Variants in EEFSEC observed in about 807,000 individuals in gnomAD.
EEFSEC encodes the protein selenocysteine-specific elongation factor.
In EEFSEC, 43 loss-of-function variants were observed where a neutral mutation model predicts 42.1. That is an observed-to-expected ratio of 1.02 (90% CI 0.80 to 1.32). EEFSEC has a LOEUF of 1.32. EEFSEC is among the 40% of genes most tolerant of loss of function. The pLI is 0.00. For missense variants in EEFSEC, 745 were observed against 803.6 expected (o/e 0.93, Z 0.88); for synonymous variants, 354 against 339.1 (o/e 1.04, Z -0.48).
At chr3:128,369,333 G>A (rs763343485) in intron 6 of EEFSEC, among the ~76,000 whole-genome samples, 5 of 152,222 alleles carry the variant, frequency 3.3e-5, no homozygotes, top group Non-Finnish European at 7.3e-5. Flanking sequence ...TGGGCTGTGA[G>A]GCTGTGTGTT....
At chr3:128,215,531 C>T (rs1477134978) in intron 1 of EEFSEC, among the ~76,000 whole-genome samples, 1 of 152,130 alleles carries the variant, frequency 6.6e-6, no homozygotes, top group Non-Finnish European at 1.5e-5. Flanking sequence ...AGTTCACTGG[C>T]ATGGAACATG....
At chr3:128,301,493 C>T (rs2066768201) in intron 4 of EEFSEC, among the ~76,000 whole-genome samples, 1 of 152,126 alleles carries the variant, frequency 6.6e-6, no homozygotes, top group Admixed American at 6.5e-5. Context: ...TGGTGCAAGT[C>T]ACAGAAAGTC....
chr3:128,273,847 A>G (rs1183838885), intron 4 of EEFSEC, among the ~76,000 whole-genome samples: 1 of 152,156 alleles, frequency 6.6e-6, no homozygotes, highest in Non-Finnish European at 1.5e-5. Flanking sequence ...GTGCTGCCCC[A>G]CTGCTGAGGT....
downstream of EEFSEC, among the ~76,000 whole-genome samples, chr3:128,411,185 G>A (rs1240063436): frequency 2.0e-5 from 3 of 152,242 alleles, no homozygotes; most frequent in Non-Finnish European, 2.9e-5. Flanking sequence ...GCTTCTGGCT[G>A]AGGCCAAGGT....
chr3:128,423,534 A>G, the EEFSEC span, among the ~76,000 whole-genome samples: 9 of 152,228 alleles, frequency 5.9e-5, no homozygotes, highest in Non-Finnish European at 1.3e-4. Flanking sequence ...GCACTGCAGC[A>G]TGGATGGACC....
intron 1 of EEFSEC, among the ~76,000 whole-genome samples, chr3:128,159,129 T>C (rs1310499342): frequency 3.9e-5 from 6 of 152,228 alleles, no homozygotes; most frequent in African/African-American, 1.4e-4. Flanking sequence ...AAAGAGAAGG[T>C]GTTCCCCATT....
chr3:128,355,457 T>A (rs1414058953), intron 5 of EEFSEC, among the ~76,000 whole-genome samples: 1 of 151,946 alleles, frequency 6.6e-6, no homozygotes, highest in African/African-American at 2.4e-5. Context: ...CAGAGGGGCA[T>A]GAGGACCCTG....
chr3:128,318,103 GCCAGGCCGTCAGCCTGC>G (rs1351648323), intron 4 of EEFSEC, among the ~76,000 whole-genome samples: 2 of 152,244 alleles, frequency 1.3e-5, no homozygotes, highest in African/African-American at 4.8e-5. Context: ...AGTGGGGAGA[GCCAGGCCGTCAGCCTGC>G]CCTGGCCCAG....
intron 4 of EEFSEC, among the ~76,000 whole-genome samples, chr3:128,268,124 A>G (rs996651221): frequency 1.3e-5 from 2 of 152,264 alleles, no homozygotes; most frequent in Non-Finnish European, 2.9e-5. Flanking sequence ...TCAGGTATTG[A>G]AACCTCATGG....
intron 1 of EEFSEC, among the ~76,000 whole-genome samples, chr3:128,233,498 C>G (rs994190596): frequency 3.9e-5 from 6 of 152,220 alleles, no homozygotes; most frequent in Non-Finnish European, 7.3e-5. Flanking sequence ...CCAAAGAGCT[C>G]TTTAATCATG....
chr3:128,209,944 C>G (rs931902872), intron 1 of EEFSEC, among the ~76,000 whole-genome samples: 7 of 152,216 alleles, frequency 4.6e-5, no homozygotes, highest in African/African-American at 1.7e-4. Context: ...AAAAATATCT[C>G]CCACTTTGGG....
chr3:128,269,135 A>G (rs956051759), intron 4 of EEFSEC, among the ~76,000 whole-genome samples: 3 of 152,154 alleles, frequency 2.0e-5, no homozygotes, highest in East Asian at 1.9e-4. Flanking sequence ...CCATCCCACA[A>G]GTGAGAGAAC....
At chr3:128,272,900 G>C (rs536589484) in intron 4 of EEFSEC, among the ~76,000 whole-genome samples, 1 of 152,264 alleles carries the variant, frequency 6.6e-6, no homozygotes, top group South Asian at 2.1e-4. Context: ...CCACTGGCTT[G>C]GTGCTTCCCA....
intron 1 of EEFSEC, among the ~76,000 whole-genome samples, chr3:128,209,700 A>G (rs1260023748): frequency 2.6e-5 from 4 of 152,268 alleles, no homozygotes; most frequent in Admixed American, 2.6e-4. Flanking sequence ...ACACAAGTAC[A>G]CATATATACA....
intron 1 of EEFSEC, among the ~76,000 whole-genome samples, chr3:128,225,456 C>T (rs954240864): frequency 6.6e-6 from 1 of 152,216 alleles, no homozygotes; most frequent in Non-Finnish European, 1.5e-5. Flanking sequence ...GCCATGCACT[C>T]GCTGTGTGTT....
chr3:128,239,017 A>G (rs936024691), intron 1 of EEFSEC, among the ~76,000 whole-genome samples: 3 of 152,210 alleles, frequency 2.0e-5, no homozygotes, highest in Admixed American at 6.5e-5. Flanking sequence ...TCTCCTGCTC[A>G]GGGGTCTCCC....
At chr3:128,226,648 A>G (rs1181614687) in intron 1 of EEFSEC, among the ~76,000 whole-genome samples, 4 of 152,086 alleles carry the variant, frequency 2.6e-5, no homozygotes, top group Non-Finnish European at 1.5e-5. Flanking sequence ...GAAACTTCTC[A>G]TTTAACTTTT....
intron 6 of EEFSEC, among the ~76,000 whole-genome samples, chr3:128,386,102 C>G (rs961836938): frequency 6.6e-6 from 1 of 152,180 alleles, no homozygotes. Context: ...GATGAGTTGA[C>G]TAAAGAAATC....
intron 5 of EEFSEC, among the ~76,000 whole-genome samples, chr3:128,350,166 T>C (rs1027470819): frequency 1.3e-5 from 2 of 152,246 alleles, no homozygotes; most frequent in African/African-American, 4.8e-5. Flanking sequence ...GCCTCCTGGC[T>C]CCTGGCTCTG....
Sources: gnomAD v4.1 joint callset for allele counts (sites outside exome capture counted in the v4.1 genomes callset) on GRCh38, gnomAD v4.1.1 for gene constraint, MANE v1.5 for transcripts, NCBI Gene and HGNC (gene_info 2026-07-23, HGNC 2026-07-21) for gene names.